NKAIN2: variants seen among roughly 807,000 people sequenced by gnomAD.
The protein encoded by NKAIN2 is sodium/potassium transporting ATPase interacting 2.
A neutral mutation model predicts 32.6 loss-of-function variants in NKAIN2; 14 were observed. The ratio of observed to expected loss-of-function variants is 0.43; its 90% CI spans 0.28 to 0.67. The LOEUF (loss-of-function observed/expected upper bound fraction) is 0.67. Ranked by LOEUF, NKAIN2 falls within the 30% of genes least tolerant of loss-of-function variation. The pLI is 0.17. For missense variants in NKAIN2, 198 were observed against 258.3 expected (o/e 0.77, Z 1.60); for synonymous variants, 80 against 87.2 (o/e 0.92, Z 0.46).
At position 124,523,117 on chromosome 6, in the gene NKAIN2, T is replaced by G. The variant is rs556716917; in HGVS notation, c.274-135069T>G. Among the ~76,000 whole-genome samples the G allele has an allele frequency of 8.6e-3, 246 of 28,590 alleles. 6 individuals are homozygous for G. Among genetic ancestry groups the G allele is most frequent in the Non-Finnish European group, 0.067 (208 of 3,120 alleles). 18.8% of individuals were successfully genotyped at this position (28,590 alleles called of 152,430 possible). On this transcript the variant is annotated intron_variant, in intron 3 of 6. Coordinates refer to ENST00000368417, the MANE Select transcript of NKAIN2 (RefSeq NM_001040214.3). ...GAGATCGCGCCACAGCACTCCCGCC[T>G]GGGCGACAGAGCGAGACTCCGTCTC...
At chr6:124,140,406 CAGAT>C (rs1169844450) in intron 1 of NKAIN2, among the ~76,000 whole-genome samples, 9 of 152,138 alleles carry the variant, frequency 5.9e-5, no homozygotes, top group Non-Finnish European at 7.4e-5. Flanking sequence ...TATCCATTCT[CAGAT>C]AGAGGTAAAA....
intron 1 of NKAIN2, among the ~76,000 whole-genome samples, chr6:123,917,368 G>T (rs1382416890): frequency 6.6e-6 from 1 of 152,012 alleles, no homozygotes; most frequent in Admixed American, 6.6e-5. Context: ...TGGTATAAAA[G>T]TATGTGTCAA....
At chr6:124,420,581 G>A (rs1774701969) in intron 3 of NKAIN2, among the ~76,000 whole-genome samples, 1 of 152,108 alleles carries the variant, frequency 6.6e-6, no homozygotes, top group African/African-American at 2.4e-5. Context: ...ATATGTAGAA[G>A]CTCATTATCT....
At chr6:124,720,826 A>C (rs978863671) in intron 4 of NKAIN2, among the ~76,000 whole-genome samples, 3 of 152,208 alleles carry the variant, frequency 2.0e-5, no homozygotes, top group Non-Finnish European at 4.4e-5. Flanking sequence ...CAGTATGAGA[A>C]TATTTCTAAA....
At chr6:124,097,371 C>G (rs1400088171) in intron 1 of NKAIN2, among the ~76,000 whole-genome samples, 4 of 146,838 alleles carry the variant, frequency 2.7e-5, no homozygotes, top group Non-Finnish European at 5.9e-5. Context: ...CCACTGCACT[C>G]TGGCCTGGCA....
intron 1 of NKAIN2, among the ~76,000 whole-genome samples, chr6:123,822,356 C>A (rs1261356292): frequency 6.6e-6 from 1 of 152,114 alleles, no homozygotes; most frequent in Non-Finnish European, 1.5e-5. Flanking sequence ...ATTATACATT[C>A]TGGAGTTGAT....
At chr6:124,285,471 T>G (rs933756409) in intron 2 of NKAIN2, among the ~76,000 whole-genome samples, 1 of 152,190 alleles carries the variant, frequency 6.6e-6, no homozygotes, top group South Asian at 2.1e-4. Flanking sequence ...GTTCTGGCAG[T>G]AAATTCCATG....
intron 2 of NKAIN2, among the ~76,000 whole-genome samples, chr6:124,297,554 C>T (rs1796109036): frequency 6.6e-6 from 1 of 151,486 alleles, no homozygotes; most frequent in African/African-American, 2.4e-5. Context: ...GCTGCAGCAC[C>T]ATACTGCTCT....
Position 124,283,000 on chromosome 6 carries a change from T to G in NKAIN2, c.55-5T>G. 6.2e-7 allele frequency: 1 copy of G among 1,613,790 alleles called. No homozygotes were observed. Among genetic ancestry groups the G allele is most frequent in the Non-Finnish European group, 8.5e-7 (1 of 1,179,758 alleles). On this transcript the variant is annotated splice_polypyrimidine_tract_variant and splice_region_variant and intron_variant, in intron 1 of 6. Coordinates refer to ENST00000368417, the MANE Select transcript of NKAIN2 (RefSeq NM_001040214.3). ...TGATCTGTCCATCCTGTTTTGCTATTCTAGGTTTGTGTGCTGGAGAGGCAA... is the reference window on the plus strand; with the variant it reads ...TGATCTGTCCATCCTGTTTTGCTATGCTAGGTTTGTGTGCTGGAGAGGCAA...
At chr6:123,897,470 G>T (rs897178730) in intron 1 of NKAIN2, among the ~76,000 whole-genome samples, 22 of 152,080 alleles carry the variant, frequency 1.4e-4, no homozygotes, top group Admixed American at 1.4e-3. Context: ...TTTCAGGGCT[G>T]CTATGACTCT....
chr6:124,032,297 A>G (rs1251654364), intron 1 of NKAIN2, among the ~76,000 whole-genome samples: 1 of 150,226 alleles, frequency 6.7e-6, no homozygotes, highest in Admixed American at 6.6e-5. Flanking sequence ...GCATTAGGAG[A>G]TAGACCTAAT....
intron 3 of NKAIN2, among the ~76,000 whole-genome samples, chr6:124,470,708 C>A (rs781529647): frequency 5.9e-5 from 9 of 151,948 alleles, no homozygotes; most frequent in Non-Finnish European, 8.8e-5. Context: ...GTTCTGCAAG[C>A]CATATAGCAA....
intron 2 of NKAIN2, among the ~76,000 whole-genome samples, chr6:124,345,693 T>C (rs968803806): frequency 6.6e-6 from 1 of 151,874 alleles, no homozygotes; most frequent in Non-Finnish European, 1.5e-5. Flanking sequence ...CCCTTTATCA[T>C]TTTTTATTGC....
At chr6:123,977,290 A>G (rs994108188) in intron 1 of NKAIN2, among the ~76,000 whole-genome samples, 1 of 152,178 alleles carries the variant, frequency 6.6e-6, no homozygotes, top group South Asian at 2.1e-4. Context: ...GTGTGCCTGT[A>G]TGCCTAGCTA....
intron 4 of NKAIN2, among the ~76,000 whole-genome samples, chr6:124,765,183 C>T (rs1057084075): frequency 6.6e-6 from 1 of 152,078 alleles, no homozygotes; most frequent in Non-Finnish European, 1.5e-5. Context: ...TTTGAAATGA[C>T]CTGTGAATAG....
At chr6:124,615,743 T>A (rs1432109326) in intron 3 of NKAIN2, among the ~76,000 whole-genome samples, 1 of 152,204 alleles carries the variant, frequency 6.6e-6, no homozygotes, top group Non-Finnish European at 1.5e-5. Context: ...TTACACCTTT[T>A]GATATTGTCC....
chr6:124,615,198 TC>T lies in NKAIN2; in HGVS notation c.274-42983del, dbSNP rs1782840837. Among the ~76,000 whole-genome samples the T allele has an allele frequency of 2.0e-5, 3 of 152,214 alleles. No individual in the cohort carries two copies. In the South Asian group the frequency reaches 6.2e-4, roughly 32 times the overall value. On this transcript the variant is annotated intron_variant, in intron 3 of 6. Coordinates refer to ENST00000368417, the MANE Select transcript of NKAIN2 (RefSeq NM_001040214.3). ...TCCATAAAGATCCATTGCCCATATATCCCCCTTTATAAAATAGATACCATGT... is the reference window on the plus strand; with the variant it reads ...TCCATAAAGATCCATTGCCCATATATCCCCTTTATAAAATAGATACCATGT...
chr6:123,933,820 T>C (rs1274271943), intron 1 of NKAIN2, among the ~76,000 whole-genome samples: 5 of 152,212 alleles, frequency 3.3e-5, no homozygotes. Flanking sequence ...TATTTTGAGC[T>C]CCCTGGAATT....
In NKAIN2 at chr6:124,531,538, A is replaced by T. The variant is rs527434269; in HGVS notation, c.274-126648A>T. Among the ~76,000 whole-genome samples, 156 of 152,334 alleles carry T rather than the reference A, an allele frequency of 1.0e-3. 1 individual carries two copies. In the South Asian group the frequency reaches 0.015, roughly 14 times the overall value. ...TGTAGTGTTCTTGCCTGACTTTGAT[A>T]TCAGAGTAATGCTGGCCTTGTAAAA... On this transcript the variant is annotated intron_variant, in intron 3 of 6. Coordinates refer to ENST00000368417, the MANE Select transcript of NKAIN2 (RefSeq NM_001040214.3).
Sources: gnomAD v4.1 joint callset for allele counts (sites outside exome capture counted in the v4.1 genomes callset) on GRCh38, gnomAD v4.1.1 for gene constraint, MANE v1.5 for transcripts, NCBI Gene and HGNC (gene_info 2026-07-23, HGNC 2026-07-21) for gene names.